SLC35B4: variants seen among roughly 807,000 people sequenced by gnomAD.
SLC35B4 encodes solute carrier family 35 member B4, also known as nucleotide sugar transporter SLC35B4.
Under a neutral mutation model 39.5 loss-of-function variants are expected in SLC35B4, and 28 were observed. That is an observed-to-expected ratio of 0.71 (90% CI 0.53 to 0.97). The LOEUF (loss-of-function observed/expected upper bound fraction) is 0.97. SLC35B4 is among the 50% of genes least tolerant of loss of function. The pLI is 0.00. For synonymous variants in SLC35B4, 145 were observed against 150.4 expected (o/e 0.96, Z 0.26); for missense variants, 334 against 414.3 (o/e 0.81, Z 1.68).
intron 8 of SLC35B4, among the ~76,000 whole-genome samples, chr7:134,296,826 A>C (rs1803479639): frequency 6.6e-6 from 1 of 152,248 alleles, no homozygotes; most frequent in Non-Finnish European, 1.5e-5. Flanking sequence ...GCTAGCAACT[A>C]CTGTTTGGAA....
rs1803315346 is a variant in SLC35B4 at position 134,290,799 on chromosome 7, T to C, written c.*4034A>G. 1.3e-5 allele frequency: 2 copies of C among 152,222 alleles called. No homozygotes were observed. The highest frequency in any genetic ancestry group is 4.8e-5 in the African/African-American group (2 of 41,470). The allele number at this position is 152,222 out of a possible 1,614,324, so 9.4% of individuals were successfully genotyped here. A position where few individuals can be genotyped will look rare whatever the true frequency, so the allele number is the denominator to read the frequency against. Reference sequence around the variant, plus strand: ...GAAAGCTATTGAGACCAATATGCTTTGGTTATCTAATAAGGGTGGAATGAC... The same window carrying C: ...GAAAGCTATTGAGACCAATATGCTTCGGTTATCTAATAAGGGTGGAATGAC... On this transcript the variant is annotated 3_prime_UTR_variant, in exon 10 of 10. Coordinates refer to ENST00000378509, the MANE Select transcript of SLC35B4 (RefSeq NM_032826.5).
At chr7:134,299,383 G>A (rs779122617) in intron 8 of SLC35B4, 140 bp downstream of exon 8, 3 of 513,354 alleles carry the variant, frequency 5.8e-6, no homozygotes, top group Non-Finnish European at 1.0e-5. Flanking sequence ...GCAATGACTG[G>A]AAAGTGGAAT....
chr7:134,302,265 T>C (rs1450645259), intron 4 of SLC35B4, among the ~76,000 whole-genome samples, 155 bp from the exon 5 acceptor site: 2 of 152,230 alleles, frequency 1.3e-5, no homozygotes, highest in East Asian at 3.8e-4. Flanking sequence ...AGTATGCATA[T>C]GAATGAATCA....
At chr7:134,295,526 T>G (rs570846308) in intron 9 of SLC35B4, among the ~76,000 whole-genome samples, 1 of 152,298 alleles carries the variant, frequency 6.6e-6, no homozygotes, top group African/African-American at 2.4e-5. Context: ...TAATTATTTT[T>G]ATAATGAAAG....
intron 1 of SLC35B4, among the ~76,000 whole-genome samples, chr7:134,310,717 T>A (rs988758397): frequency 6.6e-6 from 1 of 151,942 alleles, no homozygotes; most frequent in Non-Finnish European, 1.5e-5. Context: ...GCTAATTTTT[T>A]TGTTTTTTTT....
chr7:134,319,726 C>T (rs2117334489), upstream of SLC35B4, among the ~76,000 whole-genome samples: 1 of 152,278 alleles, frequency 6.6e-6, no homozygotes, highest in South Asian at 2.1e-4. Flanking sequence ...CATTTCATTA[C>T]CTACCCTCCC....
intron 1 of SLC35B4, 142 bp downstream of exon 1, chr7:134,316,533 C>T: frequency 1.3e-6 from 1 of 798,868 alleles, no homozygotes; most frequent in Non-Finnish European, 2.0e-6. Flanking sequence ...GGACGGATTG[C>T]TGGGGGGCTC....
upstream of SLC35B4, among the ~76,000 whole-genome samples, chr7:134,320,289 G>A (rs1201163725): frequency 6.6e-6 from 1 of 152,290 alleles, no homozygotes; most frequent in East Asian, 1.9e-4. Flanking sequence ...GAGATGGCAG[G>A]AGCAAGTCTC....
At chr7:134,318,891 A>G (rs1194424573), upstream of SLC35B4, among the ~76,000 whole-genome samples, 1 of 152,170 alleles carries the variant, frequency 6.6e-6, no homozygotes, top group Non-Finnish European at 1.5e-5. Flanking sequence ...TTTAATGTGC[A>G]TGTTAATCAC....
At chr7:134,308,198 T>C (rs1030770971) in intron 2 of SLC35B4, among the ~76,000 whole-genome samples, 2 of 152,116 alleles carry the variant, frequency 1.3e-5, no homozygotes, top group African/African-American at 2.4e-5. Flanking sequence ...ATTCAGAACA[T>C]CGTGGTAACC....
At chr7:134,314,786 G>C (rs906597595) in intron 1 of SLC35B4, among the ~76,000 whole-genome samples, 1 of 151,980 alleles carries the variant, frequency 6.6e-6, no homozygotes, top group Non-Finnish European at 1.5e-5. Flanking sequence ...CACCCACCTC[G>C]GACTCCCAAA....
chr7:134,318,267 G>A (rs1426260579), upstream of SLC35B4, among the ~76,000 whole-genome samples: 2 of 152,130 alleles, frequency 1.3e-5, no homozygotes, highest in Non-Finnish European at 2.9e-5. Flanking sequence ...TAATTCTAAT[G>A]CATTCTAGAA....
At chr7:134,314,424 T>C (rs1038812818) in intron 1 of SLC35B4, among the ~76,000 whole-genome samples, 4 of 152,232 alleles carry the variant, frequency 2.6e-5, no homozygotes, top group African/African-American at 7.2e-5. Flanking sequence ...CATATTCTCA[T>C]GTCATACAGC....
intron 1 of SLC35B4, among the ~76,000 whole-genome samples, chr7:134,312,205 A>G (rs1019957967): frequency 2.0e-5 from 3 of 152,144 alleles, no homozygotes; most frequent in Non-Finnish European, 4.4e-5. Context: ...AAGTTTTCTC[A>G]TCTCTAAAAT....
intron 3 of SLC35B4, 40 bp from the exon 4 acceptor site, chr7:134,304,894 C>A: frequency 6.5e-7 from 1 of 1,531,662 alleles, no homozygotes; most frequent in Non-Finnish European, 9.0e-7. Flanking sequence ...GTTTAGTGCA[C>A]TAGGAAAAAA....
chr7:134,305,247 C>T (rs750681469), intron 3 of SLC35B4, among the ~76,000 whole-genome samples: 10 of 151,864 alleles, frequency 6.6e-5, no homozygotes, highest in Non-Finnish European at 8.8e-5. Context: ...CCCTTGAACC[C>T]GGGAAGTGGA....
At chr7:134,306,351 T>G (rs975993137) in intron 3 of SLC35B4, among the ~76,000 whole-genome samples, 2 of 151,932 alleles carry the variant, frequency 1.3e-5, no homozygotes, top group African/African-American at 4.8e-5. Context: ...AGAAATAAGT[T>G]AAATAACATT....
At chr7:134,314,275 C>A (rs1216716307) in intron 1 of SLC35B4, among the ~76,000 whole-genome samples, 1 of 152,178 alleles carries the variant, frequency 6.6e-6, no homozygotes, top group Non-Finnish European at 1.5e-5. Context: ...ATGCGCATCT[C>A]ACTTCATCCT....
At chr7:134,311,277 T>G (rs1192083925) in intron 1 of SLC35B4, among the ~76,000 whole-genome samples, 2 of 152,110 alleles carry the variant, frequency 1.3e-5, no homozygotes, top group African/African-American at 4.8e-5. Flanking sequence ...TAAATATGAG[T>G]GACAGAAGGA....
Sources: allele counts gnomAD v4.1 joint callset (sites outside exome capture counted in the v4.1 genomes callset), GRCh38; gene constraint gnomAD v4.1.1; transcripts MANE v1.5; gene names NCBI Gene and HGNC (gene_info 2026-07-23, HGNC 2026-07-21).